The following FBXW8 variants were observed in gnomAD, a reference collection of about 807,000 sequenced individuals.
FBXW8 encodes F-box and WD repeat domain containing 8.
Under a neutral mutation model 65.3 loss-of-function variants are expected in FBXW8, and 57 were observed. The ratio of observed to expected loss-of-function variants is 0.87; its 90% CI spans 0.71 to 1.09. The LOEUF (loss-of-function observed/expected upper bound fraction) is 1.09. Among genes scored for constraint, FBXW8 ranks in the 50% least tolerant of loss-of-function variants. The pLI is 0.00. For missense variants in FBXW8, 777 were observed against 814.8 expected, an observed-to-expected ratio of 0.95 and a Z score of 0.57; for synonymous variants, 308 against 330.2, an observed-to-expected ratio of 0.93 and a Z score of 0.73.
Position 116,936,576 on chromosome 12 carries a change from A to T in FBXW8, c.423+8449A>T, listed in dbSNP as rs1364149989. 1.3e-5 allele frequency among the ~76,000 whole-genome samples: 2 copies of T among 152,184 alleles called. No homozygotes were observed. The highest frequency in any genetic ancestry group is 2.9e-5 in the Non-Finnish European group (2 of 68,026). ...CTTGAAGGTGGAGGAAGGGGCCACAAACCAAGGAATGTAGGTAGCTTGAAG... is the reference window on the plus strand; with the variant it reads ...CTTGAAGGTGGAGGAAGGGGCCACATACCAAGGAATGTAGGTAGCTTGAAG... On this transcript the variant is annotated intron_variant, in intron 2 of 10. Transcript: ENST00000652555. This position sits in a 1 kb window ranked among gnomAD's most constrained non-coding sequence, Gnocchi z 4.6.
intron 7 of FBXW8, among the ~76,000 whole-genome samples, chr12:116,998,216 T>C (rs2135690772): frequency 6.6e-6 from 1 of 152,356 alleles, no homozygotes; most frequent in Admixed American, 6.5e-5. Flanking sequence ...GTGAATGCTG[T>C]CACTTCATAT....
chr12:116,973,539 A>G (rs1293322777), intron 5 of FBXW8, among the ~76,000 whole-genome samples: 1 of 152,268 alleles, frequency 6.6e-6, no homozygotes, highest in Non-Finnish European at 1.5e-5. Context: ...GAAAAAACAC[A>G]GAATCACTTC....
intron 5 of FBXW8, among the ~76,000 whole-genome samples, chr12:116,970,065 C>T (rs1884559055): frequency 6.6e-6 from 1 of 152,210 alleles, no homozygotes; most frequent in Non-Finnish European, 1.5e-5. Context: ...GCTGCTAATG[C>T]AGGGACGGCG....
chr12:117,024,270 G>A lies in FBXW8; in HGVS notation c.1491G>A (p.Val497=). Residue 497 remains valine (V), a synonymous_variant, in exon 9 of 11, where the codon GTG becomes GTA. Transcript: ENST00000652555. ...KIVSGGEEGL[V]SVWDYRMNQK... ...TCAGTGGAGGCGAGGAAGGCCTGGTGTCCGTGTGGGATTATCGGATGAACC... is the reference window on the plus strand; with the variant it reads ...TCAGTGGAGGCGAGGAAGGCCTGGTATCCGTGTGGGATTATCGGATGAACC... The A allele has an allele frequency of 1.2e-6, 2 of 1,614,240 alleles. No individual in the cohort carries two copies. Among genetic ancestry groups the A allele is most frequent in the Non-Finnish European group, 1.7e-6 (2 of 1,180,044 alleles).
intron 8 of FBXW8, among the ~76,000 whole-genome samples, chr12:117,014,098 C>T (rs186227702): frequency 6.6e-6 from 1 of 152,210 alleles, no homozygotes; most frequent in East Asian, 1.9e-4. Flanking sequence ...AACAGGCCAC[C>T]AAAGCTCTGT....
intron 9 of FBXW8, 64 bp from the exon 10 acceptor site, chr12:117,027,330 C>A (rs1954255513): frequency 7.9e-7 from 1 of 1,259,986 alleles, no homozygotes; most frequent in Non-Finnish European, 1.2e-6. Context: ...AACTCCCAGG[C>A]CTGCGGCAGC....
chr12:116,991,571 C>G (rs1034427648), intron 7 of FBXW8, among the ~76,000 whole-genome samples: 1 of 152,154 alleles, frequency 6.6e-6, no homozygotes, highest in Non-Finnish European at 1.5e-5. Context: ...TGTCCCAGCA[C>G]GTTTTATTAG....
chr12:116,924,009 G>A (rs931827075), intron 1 of FBXW8, among the ~76,000 whole-genome samples: 3 of 152,132 alleles, frequency 2.0e-5, no homozygotes, highest in East Asian at 1.9e-4. Context: ...CACTGCACCC[G>A]GCCCAAAATT....
intron 4 of FBXW8, 162 bp downstream of exon 4, chr12:116,949,868 AG>A: frequency 1.5e-6 from 1 of 673,038 alleles, no homozygotes; most frequent in Admixed American, 2.3e-5. Context: ...TCTGTTCCCA[AG>A]GACGTGAGAG....
At chr12:116,937,214 T>G (rs1264202521) in intron 2 of FBXW8, among the ~76,000 whole-genome samples, 3 of 152,124 alleles carry the variant, frequency 2.0e-5, no homozygotes, top group Non-Finnish European at 4.4e-5. Flanking sequence ...TGTGTGGGTA[T>G]GGGGGAAGAT....
intron 7 of FBXW8, among the ~76,000 whole-genome samples, chr12:117,000,348 G>C (rs1192194185): frequency 1.3e-5 from 2 of 152,246 alleles, no homozygotes; most frequent in Non-Finnish European, 2.9e-5. Context: ...TTGGAAGCAG[G>C]AAGTAAGCAC....
At chr12:116,916,911 T>TGTGTGTGG in intron 1 of FBXW8, among the ~76,000 whole-genome samples, 1 of 145,722 alleles carries the variant, frequency 6.9e-6, no homozygotes, top group East Asian at 2.0e-4. Flanking sequence ...TGTGTGTGTG[T>TGTGTGTGG]GAGAGAGAGA....
At chr12:116,992,899 C>CT (rs1204411551) in intron 7 of FBXW8, among the ~76,000 whole-genome samples, 12 of 151,596 alleles carry the variant, frequency 7.9e-5, no homozygotes, top group Non-Finnish European at 1.5e-4. Context: ...GTACAGGTGT[C>CT]TTTTTTATAC....
intron 3 of FBXW8, among the ~76,000 whole-genome samples, chr12:116,946,023 G>A (rs1034389652): frequency 3.9e-5 from 6 of 152,114 alleles, no homozygotes. Context: ...AAGTCTCTAC[G>A]GAAATATTAG....
At chr12:116,979,057 A>C (rs1424749377) in intron 5 of FBXW8, 1 of 152,230 alleles carries the variant, frequency 6.6e-6, no homozygotes, top group Admixed American at 6.5e-5. Context: ...CCCTAATAAA[A>C]CAAAAATGGT....
intron 2 of FBXW8, among the ~76,000 whole-genome samples, chr12:116,931,998 G>A (rs181676562): frequency 6.6e-6 from 1 of 151,974 alleles, no homozygotes; most frequent in Non-Finnish European, 1.5e-5. Context: ...GGCCTTTATT[G>A]TGTTAAAGTA....
intron 4 of FBXW8, among the ~76,000 whole-genome samples, chr12:116,956,160 T>A (rs1883631103): frequency 6.6e-6 from 1 of 152,164 alleles, no homozygotes; most frequent in Non-Finnish European, 1.5e-5. Context: ...GTTTTTTTCA[T>A]TACTCCTAAA....
chr12:116,955,831 G>A (rs527468214), intron 4 of FBXW8, among the ~76,000 whole-genome samples: 20 of 152,282 alleles, frequency 1.3e-4, no homozygotes, highest in Non-Finnish European at 2.2e-4. Flanking sequence ...AACCTGAGGT[G>A]CAGGGCTAGG....
chr12:116,928,255 T>G (rs1881487134), intron 2 of FBXW8, 128 bp downstream of exon 2: 1 of 684,286 alleles, frequency 1.5e-6, no homozygotes, highest in Non-Finnish European at 2.6e-6. Context: ...GGATGGCAAG[T>G]TTACTTGAAG....
Sources: gnomAD v4.1 joint callset for allele counts (sites outside exome capture counted in the v4.1 genomes callset) on GRCh38, gnomAD v4.1.1 for gene constraint, Gnocchi (gnomAD v3.1) non-coding constraint, MANE v1.5 for transcripts, NCBI Gene and HGNC (gene_info 2026-07-23, HGNC 2026-07-21) for gene names.